TENM4: variants seen among roughly 807,000 people sequenced by gnomAD.
TENM4 encodes the protein teneurin transmembrane protein 4.
Under a neutral mutation model 243.3 loss-of-function variants are expected in TENM4, and 82 were observed. The observed-to-expected ratio is 0.34, with a 90% CI of 0.28 to 0.40. The LOEUF (loss-of-function observed/expected upper bound fraction) is 0.40, where lower values mean the gene tolerates loss of function less well. TENM4 is among the 10% of genes least tolerant of loss of function. The probability of loss-of-function intolerance (pLI) is 1.00; values close to 1 mark genes in which losing one functional copy is unlikely to be tolerated. For synonymous variants in TENM4, 1,412 were observed against 1,456.3 expected, an observed-to-expected ratio of 0.97 and a Z score of 0.69; for missense variants, 3,138 against 3,673.3, an observed-to-expected ratio of 0.85 and a Z score of 3.77.
intron 4 of TENM4, among the ~76,000 whole-genome samples, chr11:79,126,847 G>C (rs1861888828): frequency 6.6e-6 from 1 of 152,138 alleles, no homozygotes. Flanking sequence ...TCCCCAAGGA[G>C]ACATCTGGCC....
chr11:79,176,153 T>C (rs1481291337), intron 3 of TENM4, among the ~76,000 whole-genome samples: 1 of 152,198 alleles, frequency 6.6e-6, no homozygotes, highest in East Asian at 1.9e-4. Flanking sequence ...CAGATGTTCA[T>C]AAAATATTTG....
chr11:79,378,756 A>G (rs1332596379), intron 1 of TENM4, among the ~76,000 whole-genome samples: 2 of 151,984 alleles, frequency 1.3e-5, no homozygotes, highest in African/African-American at 4.8e-5. Flanking sequence ...GGTTGTGTGC[A>G]CCTGTTGTCC....
intron 4 of TENM4, among the ~76,000 whole-genome samples, chr11:79,113,551 C>T (rs1350162071): frequency 1.3e-5 from 2 of 151,806 alleles, no homozygotes; most frequent in Admixed American, 1.3e-4. Flanking sequence ...AAAAACTCAC[C>T]GAGAAAGCAA....
chr11:78,968,270 C>T (rs1273592134), intron 6 of TENM4, among the ~76,000 whole-genome samples: 2 of 152,174 alleles, frequency 1.3e-5, no homozygotes, highest in Non-Finnish European at 2.9e-5. Context: ...GCCTGTAGCA[C>T]CATGAGCCAA....
In TENM4 at chr11:78,669,436, C is replaced by G; in HGVS notation, c.6909G>C (p.Lys2303Asn). 6.2e-7 allele frequency: 1 copy of G among 1,612,756 alleles called. No homozygotes were observed. Among genetic ancestry groups the G allele is most frequent in the Non-Finnish European group, 8.5e-7 (1 of 1,179,214 alleles). ...ACTGCAGGTGGTGGCTGTGGCTGCT[C>G]TTGCTGGACACGCGCCGCCCCAGGC... The part of the protein sequence containing the change: ...YDGLGRRVSS[K>N]SSHSHHLQFF... Residue 2303 changes from lysine to asparagine, a missense_variant, in exon 32 of 34, where the codon AAG (lysine) becomes AAC (asparagine). Coordinates refer to ENST00000278550, the MANE Select transcript of TENM4 (RefSeq NM_001098816.3). The surrounding 1 kb of genome is among the most constrained non-coding windows in gnomAD (Gnocchi z 6.4).
intron 1 of TENM4, among the ~76,000 whole-genome samples, chr11:79,372,124 T>C (rs1026227480): frequency 2.0e-5 from 3 of 152,188 alleles, no homozygotes; most frequent in African/African-American, 7.2e-5. Context: ...AAGTTTGGAA[T>C]AGAAAGATTG....
intron 29 of TENM4, among the ~76,000 whole-genome samples, chr11:78,687,203 G>A (rs1249013494): frequency 6.6e-6 from 1 of 152,020 alleles, no homozygotes; most frequent in Non-Finnish European, 1.5e-5. Context: ...CAGAACCCCT[G>A]CTCTTCTCAC....
intron 12 of TENM4, among the ~76,000 whole-genome samples, chr11:78,817,134 G>A (rs1293822793): frequency 6.6e-6 from 1 of 152,192 alleles, no homozygotes; most frequent in Non-Finnish European, 1.5e-5. Context: ...TAGTACTGTG[G>A]CAGCTGGAAT....
intron 12 of TENM4, among the ~76,000 whole-genome samples, chr11:78,823,207 G>A (rs1272580906): frequency 1.3e-5 from 2 of 152,184 alleles, no homozygotes; most frequent in Non-Finnish European, 2.9e-5. Context: ...GAAATGCCTC[G>A]TCTTCCCTCC....
chr11:79,087,180 A>G (rs899409918), intron 4 of TENM4, among the ~76,000 whole-genome samples: 3 of 152,224 alleles, frequency 2.0e-5, no homozygotes, highest in Admixed American at 6.5e-5. Context: ...TGAAGCTTAG[A>G]GAGGCAAAGT....
chr11:79,318,549 C>A (rs894463636), intron 1 of TENM4, among the ~76,000 whole-genome samples: 1 of 152,172 alleles, frequency 6.6e-6, no homozygotes, highest in African/African-American at 2.4e-5. Flanking sequence ...TTCAAGCTAT[C>A]AAGTTGACGT....
chr11:79,261,993 A>G (rs1463697386), intron 2 of TENM4, among the ~76,000 whole-genome samples: 1 of 152,192 alleles, frequency 6.6e-6, no homozygotes, highest in Non-Finnish European at 1.5e-5. Context: ...ATTTTCTTAT[A>G]TTTTGAAGAA....
chr11:79,430,566 C>T (rs1291385900), intron 1 of TENM4, among the ~76,000 whole-genome samples: 2 of 152,184 alleles, frequency 1.3e-5, no homozygotes, highest in African/African-American at 2.4e-5. Context: ...GGGTGCTGCA[C>T]CCCAGGCATG....
intron 1 of TENM4, among the ~76,000 whole-genome samples, chr11:79,390,674 C>T (rs982885266): frequency 3.3e-5 from 5 of 152,198 alleles, no homozygotes; most frequent in Non-Finnish European, 7.3e-5. Context: ...TCCAGCTGTT[C>T]TCAGAATGCC....
intron 6 of TENM4, among the ~76,000 whole-genome samples, chr11:78,978,028 A>C (rs1857704112): frequency 6.6e-6 from 1 of 152,220 alleles, no homozygotes; most frequent in Non-Finnish European, 1.5e-5. Flanking sequence ...GCAGCCATGA[A>C]AAAGGATGAG....
intron 1 of TENM4, among the ~76,000 whole-genome samples, chr11:79,427,999 C>G (rs1175747619): frequency 3.3e-5 from 5 of 152,200 alleles, no homozygotes; most frequent in Non-Finnish European, 7.3e-5. Context: ...CAATGACAGT[C>G]TGCATCTGAT....
intron 4 of TENM4, among the ~76,000 whole-genome samples, chr11:79,083,809 T>A (rs1408382515): frequency 6.6e-6 from 1 of 152,044 alleles, no homozygotes; most frequent in Non-Finnish European, 1.5e-5. Flanking sequence ...AAAGGCATGA[T>A]CAAAAAAGGA....
chr11:79,194,948 G>A (rs191752431), intron 3 of TENM4, among the ~76,000 whole-genome samples: 13 of 152,282 alleles, frequency 8.5e-5, no homozygotes, highest in Non-Finnish European at 5.9e-5. Context: ...AAGTGGTTTT[G>A]TAGGCTGGGC....
chr11:78,742,067 C>G (rs1452297515), intron 19 of TENM4, among the ~76,000 whole-genome samples: 2 of 152,306 alleles, frequency 1.3e-5, no homozygotes, highest in African/African-American at 4.8e-5. Flanking sequence ...TCACCCCCTC[C>G]TTTGGGCTTT....
Sources: allele counts gnomAD v4.1 joint callset (sites outside exome capture counted in the v4.1 genomes callset), GRCh38; gene constraint gnomAD v4.1.1; non-coding constraint Gnocchi (gnomAD v3.1); transcripts MANE v1.5; gene names NCBI Gene and HGNC (gene_info 2026-07-23, HGNC 2026-07-21).